Variants in PRR11 observed in about 807,000 individuals in gnomAD.
PRR11 encodes the protein proline rich 11, also known as proline-rich protein 11.
PRR11 carries 30 observed loss-of-function variants against 45.6 expected under a neutral mutation model. That is an observed-to-expected ratio of 0.66 (90% CI 0.49 to 0.89). The LOEUF (loss-of-function observed/expected upper bound fraction) is 0.89. PRR11 is among the 40% of genes least tolerant of loss of function. The pLI is 0.00. For missense variants in PRR11, 373 were observed against 424.8 expected (o/e 0.88, Z 1.07); for synonymous variants, 128 against 153.5 (o/e 0.83, Z 1.23).
chr17:59,175,212 G>C lies in PRR11; in HGVS notation c.128+5332G>C, dbSNP rs558147347. On this transcript the variant is annotated intron_variant, in intron 2 of 9. Coordinates refer to ENST00000262293, the MANE Select transcript of PRR11 (RefSeq NM_018304.4). ...GTCAGCTTCCCAGAGAGGAGGGCAG[G>C]GGACGATCCTCAGCTCAGGACTGGC... 6.7e-5 allele frequency: 30 copies of C among 449,232 alleles called. 1 individual carries two copies. The highest frequency in any genetic ancestry group is 5.7e-4 in the South Asian group (30 of 52,248). The allele number at this position is 449,232 out of a possible 1,614,324, so 27.8% of individuals were successfully genotyped here. A position where few individuals can be genotyped will look rare whatever the true frequency, so the allele number is the denominator to read the frequency against.
intron 2 of PRR11, among the ~76,000 whole-genome samples, chr17:59,171,724 T>C (rs904184457): frequency 6.6e-6 from 1 of 151,996 alleles, no homozygotes; most frequent in Non-Finnish European, 1.5e-5. Context: ...TGTTAAAAAT[T>C]ACAACTGAAT....
intron 4 of PRR11, among the ~76,000 whole-genome samples, chr17:59,189,482 C>T (rs2046831039): frequency 1.3e-5 from 2 of 151,834 alleles, no homozygotes; most frequent in Admixed American, 6.6e-5. Context: ...TACAGGTGCC[C>T]GCCACCATGC....
At chr17:59,169,689 G>A (rs988124380) in intron 1 of PRR11, 59 bp from the exon 2 acceptor site, 14 of 1,381,184 alleles carry the variant, frequency 1.0e-5, no homozygotes, top group African/African-American at 1.5e-5. Context: ...TAAGATTTGT[G>A]TACTTTCTAT....
At chr17:59,181,846 G>T in intron 2 of PRR11, 2 of 1,423,714 alleles carry the variant, frequency 1.4e-6, no homozygotes, top group Non-Finnish European at 1.9e-6. Context: ...ATCCTCCCCA[G>T]CCTTGCAGAC....
chr17:59,193,459 T>A, intron 4 of PRR11, 33 bp from the exon 5 acceptor site: 2 of 1,611,954 alleles, frequency 1.2e-6, no homozygotes, highest in Non-Finnish European at 1.7e-6. Context: ...ATTAACTTGT[T>A]ATTTATTTGC....
intron 2 of PRR11, chr17:59,179,759 G>A: frequency 7.2e-7 from 1 of 1,390,182 alleles, no homozygotes; most frequent in Non-Finnish European, 1.0e-6. Flanking sequence ...GGTCTCCTCA[G>A]GCTCAGGGGC....
At chr17:59,173,042 A>G (rs1044483506) in intron 2 of PRR11, among the ~76,000 whole-genome samples, 8 of 152,220 alleles carry the variant, frequency 5.3e-5, no homozygotes, top group African/African-American at 9.6e-5. Flanking sequence ...GAATGCACCA[A>G]TCGGCACTCT....
chr17:59,184,895 C>T (rs555174891), intron 2 of PRR11, among the ~76,000 whole-genome samples, 159 bp from the exon 3 acceptor site: 1 of 110,330 alleles, frequency 9.1e-6, no homozygotes, highest in South Asian at 2.7e-4. Flanking sequence ...CAGGGTTTTG[C>T]CATGTTGCCG....
intron 2 of PRR11, among the ~76,000 whole-genome samples, chr17:59,170,444 T>C (rs4968396): frequency 0.43 from 65,712 of 151,686 alleles, 16,368 homozygotes; most frequent in African/African-American, 0.7. Context: ...ACTCTGTCAC[T>C]TAAGCTGGAG....
At chr17:59,173,503 G>A (rs918704003) in intron 2 of PRR11, among the ~76,000 whole-genome samples, 12 of 151,876 alleles carry the variant, frequency 7.9e-5, no homozygotes, top group African/African-American at 4.8e-5. Flanking sequence ...CGAACCCACC[G>A]GGAGGAACGA....
rs2147860632 is a variant in PRR11, at chr17:59,205,036, GA to G, written c.*3409del. On this transcript the variant is annotated 3_prime_UTR_variant, in exon 10 of 10. Coordinates refer to ENST00000262293, the MANE Select transcript of PRR11 (RefSeq NM_018304.4). The stretch of plus-strand genomic sequence containing the variant: ...ACAGAGCAAGACTCCATCTCAAAAA[GA>G]AAAGAAAAAATGCTTTGCTACATAA... Among the ~76,000 whole-genome samples, 1 of 145,580 alleles carries G rather than the reference GA, an allele frequency of 6.9e-6. No individual in the cohort carries two copies. Among genetic ancestry groups the G allele is most frequent in the Non-Finnish European group, 1.5e-5 (1 of 65,840 alleles).
At chr17:59,194,660 C>T in intron 5 of PRR11, 97 bp from the exon 6 acceptor site, 2 of 811,832 alleles carry the variant, frequency 2.5e-6, no homozygotes, top group Non-Finnish European at 4.0e-6. Flanking sequence ...ATAAGAGTTA[C>T]CTCTTAACTC....
chr17:59,165,312 G>C (rs2046674317), intron 1 of PRR11, among the ~76,000 whole-genome samples: 1 of 151,710 alleles, frequency 6.6e-6, no homozygotes, highest in South Asian at 2.1e-4. Flanking sequence ...GAGCCACCGC[G>C]CGTCCGGTCT....
At chr17:59,162,727 T>TC in intron 1 of PRR11, among the ~76,000 whole-genome samples, 1 of 50,870 alleles carries the variant, frequency 2.0e-5, no homozygotes, top group Non-Finnish European at 3.4e-5. Context: ...TTTCTCTCCC[T>TC]TTTTTTTTTT....
chr17:59,188,897 G>A (rs571404578), intron 4 of PRR11, among the ~76,000 whole-genome samples: 6 of 151,268 alleles, frequency 4.0e-5, no homozygotes, highest in South Asian at 4.2e-4. Context: ...CTGAGATCGC[G>A]CCACAGCACT....
At chr17:59,190,412 C>T (rs2046835471) in intron 4 of PRR11, among the ~76,000 whole-genome samples, 1 of 151,354 alleles carries the variant, frequency 6.6e-6, no homozygotes, top group Non-Finnish European at 1.5e-5. Context: ...GTGGAGGTTG[C>T]AGTGAGCCAA....
rs500080 is a variant in PRR11, at chr17:59,175,559, C to T, written c.128+5679C>T. Among the ~76,000 whole-genome samples, 727 of 152,228 alleles carry T rather than the reference C, an allele frequency of 4.8e-3. 3 individuals are homozygous for T. Among genetic ancestry groups the T allele is most frequent in the African/African-American group, 0.016 (675 of 41,520 alleles). On this transcript the variant is annotated intron_variant, in intron 2 of 9. Transcript: ENST00000262293. ...GGTGGGTCGCTTGAGGCCAGGAGTT[C>T]GAGACCAGCCCCATATCTACTAAAG...
intron 1 of PRR11, among the ~76,000 whole-genome samples, chr17:59,166,132 G>C (rs1277488504): frequency 6.6e-6 from 1 of 152,182 alleles, no homozygotes; most frequent in Non-Finnish European, 1.5e-5. Context: ...ACCTGCAACA[G>C]GGTAGTGGGG....
intron 2 of PRR11, among the ~76,000 whole-genome samples, chr17:59,181,346 A>G (rs554326090): frequency 1.3e-5 from 2 of 151,730 alleles, no homozygotes; most frequent in African/African-American, 2.4e-5. Context: ...CTAATCCTCT[A>G]TCATCTCCTA....
Sources: gnomAD v4.1 joint callset for allele counts (sites outside exome capture counted in the v4.1 genomes callset) on GRCh38, gnomAD v4.1.1 for gene constraint, MANE v1.5 for transcripts, NCBI Gene and HGNC (gene_info 2026-07-23, HGNC 2026-07-21) for gene names.